HDAC9: variants seen among roughly 807,000 people sequenced by gnomAD.
The protein encoded by HDAC9 is histone deacetylase 9.
In HDAC9, 41 loss-of-function variants were observed where a neutral mutation model predicts 139.4. That is an observed-to-expected ratio of 0.29 (90% CI 0.23 to 0.38). The LOEUF is 0.38. Among genes scored for constraint, HDAC9 ranks in the 10% least tolerant of loss-of-function variants. HDAC9 has a pLI of 1.00. For missense variants in HDAC9, 1,147 were observed against 1,297.0 expected, an observed-to-expected ratio of 0.88 and a Z score of 1.78; for synonymous variants, 517 against 476.2, an observed-to-expected ratio of 1.09 and a Z score of -1.12.
chr7:18,141,426 T>A (rs1331742374), intron 1 of HDAC9, among the ~76,000 whole-genome samples: 1 of 152,158 alleles, frequency 6.6e-6, no homozygotes, highest in African/African-American at 2.4e-5. Flanking sequence ...CTCTGCTGCC[T>A]GAGCTGCTGC....
rs570939717 is a variant in HDAC9, at chr7:18,954,104, G to T, written c.2938-42G>T. ...TTGCTTCTGTGAGACTTACTATAAA[G>T]TCATAATATTCTGCTCATACTATTA... On this transcript the variant is annotated intron_variant, in intron 23 of 25. Coordinates refer to ENST00000686413, the MANE Select transcript of HDAC9 (RefSeq NM_178425.4). 17 of 1,345,572 alleles carry T rather than the reference G, an allele frequency of 1.3e-5. No individual in the cohort carries two copies. The African/African-American group carries it at 1.6e-4, about 13-fold the overall frequency. 83.4% of individuals were successfully genotyped at this position (1,345,572 alleles called of 1,614,324 possible). A position where few individuals can be genotyped will look rare whatever the true frequency, so the allele number is the denominator to read the frequency against.
intron 2 of HDAC9, among the ~76,000 whole-genome samples, chr7:18,259,243 A>G (rs1317861249): frequency 6.6e-6 from 1 of 152,176 alleles, no homozygotes; most frequent in Non-Finnish European, 1.5e-5. Flanking sequence ...TGCTGGGATT[A>G]CAGGTGTGAG....
intron 2 of HDAC9, among the ~76,000 whole-genome samples, chr7:18,546,885 T>C (rs546119446): frequency 6.6e-6 from 1 of 152,290 alleles, no homozygotes; most frequent in South Asian, 2.1e-4. Flanking sequence ...ACCCCGTGGA[T>C]AATCATATTC....
At chr7:18,216,017 C>T (rs1315362029) in intron 2 of HDAC9, among the ~76,000 whole-genome samples, 1 of 151,690 alleles carries the variant, frequency 6.6e-6, no homozygotes, top group Non-Finnish European at 1.5e-5. Context: ...CAGAAGGCAC[C>T]CTTCCTTTCT....
At chr7:18,321,336 T>C (rs1481764924) in intron 1 of HDAC9, among the ~76,000 whole-genome samples, 1 of 152,172 alleles carries the variant, frequency 6.6e-6, no homozygotes, top group Non-Finnish European at 1.5e-5. Flanking sequence ...ACCTTATTCA[T>C]CTCCCTACTT....
At chr7:18,942,944 A>T (rs1355646762) in intron 23 of HDAC9, among the ~76,000 whole-genome samples, 4 of 151,836 alleles carry the variant, frequency 2.6e-5, no homozygotes, top group East Asian at 1.9e-4. Context: ...TTAATAAAAT[A>T]AAAAAAATTA....
intron 17 of HDAC9, among the ~76,000 whole-genome samples, chr7:18,819,614 C>T (rs2129197738): frequency 6.6e-6 from 1 of 152,222 alleles, no homozygotes; most frequent in Non-Finnish European, 1.5e-5. Context: ...TATGGTCCCA[C>T]CGGAAAACAT....
intron 24 of HDAC9, among the ~76,000 whole-genome samples, chr7:18,965,839 T>C (rs1783808487): frequency 6.6e-6 from 1 of 152,186 alleles, no homozygotes; most frequent in South Asian, 2.1e-4. Context: ...AAAGACATGC[T>C]GGTTCTGGTG....
chr7:18,870,483 G>A (rs376340774), intron 21 of HDAC9, among the ~76,000 whole-genome samples: 3 of 152,192 alleles, frequency 2.0e-5, no homozygotes, highest in East Asian at 3.9e-4. Context: ...CATCATATCA[G>A]GGAGTATTGA....
At chr7:18,303,746 G>A (rs1562856752) in intron 1 of HDAC9, among the ~76,000 whole-genome samples, 1 of 152,178 alleles carries the variant, frequency 6.6e-6, no homozygotes, top group Non-Finnish European at 1.5e-5. Flanking sequence ...TGAATAGAAT[G>A]TGAGTGATTT....
At chr7:18,987,863 T>G (rs1480804994) in intron 25 of HDAC9, among the ~76,000 whole-genome samples, 2 of 152,204 alleles carry the variant, frequency 1.3e-5, no homozygotes, top group African/African-American at 2.4e-5. Flanking sequence ...GTAGAGGTGT[T>G]TGTAGTATTC....
chr7:18,759,121 C>G lies in HDAC9; in HGVS notation c.2044-3036C>G, dbSNP rs187868619. On this transcript the variant is annotated intron_variant, in intron 14 of 25. Transcript: ENST00000686413. ...AGCGGAGAAAACTGTTAGATTAAGTCAATGCTAGATAGCTGGGCCAAATGA... is the reference window on the plus strand; with the variant it reads ...AGCGGAGAAAACTGTTAGATTAAGTGAATGCTAGATAGCTGGGCCAAATGA... Among the ~76,000 whole-genome samples the G allele has an allele frequency of 3.5e-4, 53 of 152,132 alleles. No homozygotes were observed. The Middle Eastern group carries it at 0.01, about 29-fold the overall frequency.
chr7:18,728,946 A>C (rs1350709527), intron 13 of HDAC9, among the ~76,000 whole-genome samples: 1 of 152,160 alleles, frequency 6.6e-6, no homozygotes, highest in Non-Finnish European at 1.5e-5. Context: ...TCTCCGTACT[A>C]GCCATTGCCT....
At chr7:18,269,757 CAT>C (rs548175591) in intron 2 of HDAC9, among the ~76,000 whole-genome samples, 91 of 151,368 alleles carry the variant, frequency 6.0e-4, no homozygotes, top group African/African-American at 2.1e-3. Flanking sequence ...CATATATACA[CAT>C]ATATATATAT....
chr7:18,902,306 G>C (rs568059533), intron 22 of HDAC9, among the ~76,000 whole-genome samples: 2 of 152,276 alleles, frequency 1.3e-5, no homozygotes, highest in African/African-American at 4.8e-5. Flanking sequence ...GTAAAATATG[G>C]ATTAGGGCAA....
chr7:18,729,301 A>C (rs113895674), intron 13 of HDAC9, among the ~76,000 whole-genome samples: 1 of 151,392 alleles, frequency 6.6e-6, no homozygotes, highest in Admixed American at 6.6e-5. Context: ...ATAATATTAA[A>C]AATTAAAAAT....
At chr7:18,871,958 T>C (rs1642859864) in intron 21 of HDAC9, among the ~76,000 whole-genome samples, 1 of 152,132 alleles carries the variant, frequency 6.6e-6, no homozygotes, top group Non-Finnish European at 1.5e-5. Flanking sequence ...TGCAACATAG[T>C]AGACACTGAA....
intron 6 of HDAC9, among the ~76,000 whole-genome samples, chr7:18,613,989 T>A (rs1246681590): frequency 6.6e-6 from 1 of 152,122 alleles, no homozygotes; most frequent in East Asian, 1.9e-4. Context: ...GTTCCTAAAG[T>A]TGCATTGTCT....
intron 9 of HDAC9, 117 bp downstream of exon 9, chr7:18,644,910 C>T (rs1461750134): frequency 1.8e-5 from 17 of 963,150 alleles, no homozygotes; most frequent in Non-Finnish European, 2.3e-5. Context: ...GCCAGCATCT[C>T]CTTCACTGTT....
Sources: gnomAD v4.1 joint callset for allele counts (sites outside exome capture counted in the v4.1 genomes callset) on GRCh38, gnomAD v4.1.1 for gene constraint, MANE v1.5 for transcripts, NCBI Gene and HGNC (gene_info 2026-07-23, HGNC 2026-07-21) for gene names.